MAP3K5: variants seen among roughly 807,000 people sequenced by gnomAD.
MAP3K5 encodes the protein mitogen-activated protein kinase kinase kinase 5, also known as ASK-1.
In MAP3K5, 56 loss-of-function variants were observed where a neutral mutation model predicts 158.7. That is an observed-to-expected ratio of 0.35 (90% CI 0.28 to 0.44). MAP3K5 has a LOEUF of 0.44. Among genes scored for constraint, MAP3K5 ranks in the 20% least tolerant of loss-of-function variants. The probability of loss-of-function intolerance (pLI) is 1.00; values close to 1 mark genes in which losing one functional copy is unlikely to be tolerated. For missense variants in MAP3K5, 1,294 were observed against 1,674.8 expected (o/e 0.77, Z 3.97); for synonymous variants, 579 against 601.7 (o/e 0.96, Z 0.55).
intron 3 of MAP3K5, among the ~76,000 whole-genome samples, chr6:136,699,880 A>T (rs1334369963): frequency 6.6e-6 from 1 of 152,138 alleles, no homozygotes; most frequent in Non-Finnish European, 1.5e-5. Context: ...GATTGCTTGA[A>T]GCCAGGAGTT....
chr6:136,727,940 C>T (rs951456367), intron 1 of MAP3K5, among the ~76,000 whole-genome samples: 11 of 147,406 alleles, frequency 7.5e-5, no homozygotes, highest in African/African-American at 1.8e-4. Flanking sequence ...CCAGCCTGGG[C>T]GACAGAGCGA....
intron 1 of MAP3K5, among the ~76,000 whole-genome samples, chr6:136,757,731 C>T (rs1393677674): frequency 6.6e-6 from 1 of 151,902 alleles, no homozygotes; most frequent in Non-Finnish European, 1.5e-5. Context: ...GGATTACAGG[C>T]ATGCGCCACC....
intron 10 of MAP3K5, among the ~76,000 whole-genome samples, chr6:136,654,737 T>C (rs1778669764): frequency 6.6e-6 from 1 of 152,216 alleles, no homozygotes; most frequent in Non-Finnish European, 1.5e-5. Flanking sequence ...TAAGTCCTCA[T>C]GCCTGGCCTC....
At chr6:136,785,121 A>G (rs1202250497) in intron 1 of MAP3K5, among the ~76,000 whole-genome samples, 1 of 152,226 alleles carries the variant, frequency 6.6e-6, no homozygotes, top group Non-Finnish European at 1.5e-5. Context: ...TGGGCTGGAC[A>G]ATTTTCAAGA....
intron 8 of MAP3K5, among the ~76,000 whole-genome samples, chr6:136,662,949 T>G (rs1488641904): frequency 6.6e-6 from 1 of 152,242 alleles, no homozygotes; most frequent in African/African-American, 2.4e-5. Context: ...TAAAATTGGT[T>G]GACTTACACT....
At chr6:136,789,742 G>A (rs1264516082) in intron 1 of MAP3K5, among the ~76,000 whole-genome samples, 1 of 141,596 alleles carries the variant, frequency 7.1e-6, no homozygotes, top group Non-Finnish European at 1.5e-5. Context: ...TCTGGAGTGT[G>A]CAGTGGTACA....
chr6:136,624,020 C>G (rs539868215), intron 14 of MAP3K5, among the ~76,000 whole-genome samples: 5 of 152,012 alleles, frequency 3.3e-5, no homozygotes, highest in African/African-American at 1.2e-4. Flanking sequence ...ATGGCAAAAC[C>G]CTGTCTCTAC....
At chr6:136,692,322 T>C (rs1297400121) in intron 7 of MAP3K5, among the ~76,000 whole-genome samples, 1 of 152,206 alleles carries the variant, frequency 6.6e-6, no homozygotes, top group African/African-American at 2.4e-5. Context: ...AAATAAATTA[T>C]TGGTGGTTCA....
chr6:136,768,687 G>T (rs1228000550), intron 1 of MAP3K5, among the ~76,000 whole-genome samples: 1 of 152,168 alleles, frequency 6.6e-6, no homozygotes, highest in Non-Finnish European at 1.5e-5. Context: ...GCCAAGGTGG[G>T]TGTATCACTT....
chr6:136,770,250 A>C (rs1582674379), intron 1 of MAP3K5, among the ~76,000 whole-genome samples: 1 of 152,318 alleles, frequency 6.6e-6, no homozygotes, highest in East Asian at 1.9e-4. Context: ...CCTTTCACAA[A>C]TTATATTACA....
intron 15 of MAP3K5, among the ~76,000 whole-genome samples, chr6:136,621,488 AGG>A (rs1233002456): frequency 6.6e-6 from 1 of 152,206 alleles, no homozygotes; most frequent in East Asian, 1.9e-4. Context: ...TTCTATAGAA[AGG>A]TGGACATGAT....
chr6:136,671,470 T>C (rs1389651878), intron 7 of MAP3K5, among the ~76,000 whole-genome samples: 2 of 152,192 alleles, frequency 1.3e-5, no homozygotes, highest in Non-Finnish European at 2.9e-5. Context: ...TAAAAGAGCA[T>C]GTAGGTATAT....
chr6:136,696,500 C>A (rs1780605780), intron 5 of MAP3K5, among the ~76,000 whole-genome samples: 2 of 152,156 alleles, frequency 1.3e-5, no homozygotes, highest in Non-Finnish European at 2.9e-5. Flanking sequence ...AGCACTCTAG[C>A]CACAGGATCC....
intron 25 of MAP3K5, among the ~76,000 whole-genome samples, chr6:136,579,338 T>C (rs7755097): frequency 0.16 from 24,347 of 152,088 alleles, 2,178 homozygotes; most frequent in African/African-American, 0.23. Flanking sequence ...AGAGTATGAA[T>C]ACACTCCTCA....
At chr6:136,754,774 G>A (rs908001187) in intron 1 of MAP3K5, among the ~76,000 whole-genome samples, 12 of 152,172 alleles carry the variant, frequency 7.9e-5, no homozygotes, top group African/African-American at 2.9e-4. Context: ...CAAATCTGCA[G>A]AGGATGCCTC....
intron 1 of MAP3K5, among the ~76,000 whole-genome samples, chr6:136,778,381 T>C (rs1359519994): frequency 2.0e-5 from 3 of 152,234 alleles, no homozygotes; most frequent in African/African-American, 7.2e-5. Flanking sequence ...TGAAATGATC[T>C]ACATTATGAA....
At chr6:136,585,469 T>TTTTCTTTCTTTCTTTCTTTC (rs35799129) in intron 23 of MAP3K5, among the ~76,000 whole-genome samples, 2,319 of 131,424 alleles carry the variant, frequency 0.018, 95 homozygotes, top group East Asian at 0.055. Context: ...CTTTCTTTTC[T>TTTTCTTTCTTTCTTTCTTTC]TTTCTTTATT....
At chr6:136,661,357 G>A (rs568408850) in intron 8 of MAP3K5, among the ~76,000 whole-genome samples, 56 of 152,170 alleles carry the variant, frequency 3.7e-4, no homozygotes, top group East Asian at 1.5e-3. Context: ...TATTACACAC[G>A]CATAGGACAA....
At chr6:136,777,595 A>G (rs897904206) in intron 1 of MAP3K5, among the ~76,000 whole-genome samples, 2 of 152,218 alleles carry the variant, frequency 1.3e-5, no homozygotes, top group African/African-American at 4.8e-5. Flanking sequence ...AACAATCAGA[A>G]ATGTTACATA....
Sources: allele counts gnomAD v4.1 joint callset (sites outside exome capture counted in the v4.1 genomes callset), GRCh38; gene constraint gnomAD v4.1.1; transcripts MANE v1.5; gene names NCBI Gene and HGNC (gene_info 2026-07-23, HGNC 2026-07-21).